ZNF606: variants seen among roughly 807,000 people sequenced by gnomAD.
ZNF606 encodes the protein zinc finger protein 606.
ZNF606 carries 37 observed loss-of-function variants against 74.9 expected under a neutral mutation model. The observed-to-expected ratio is 0.49, with a 90% CI of 0.38 to 0.65. The LOEUF (loss-of-function observed/expected upper bound fraction) is 0.65. Among genes scored for constraint, ZNF606 ranks in the 30% least tolerant of loss-of-function variants. ZNF606 has a pLI of 0.00. For missense variants in ZNF606, 852 were observed against 952.9 expected (o/e 0.89, Z 1.39); for synonymous variants, 328 against 312.4 (o/e 1.05, Z -0.53).
intron 4 of ZNF606, among the ~76,000 whole-genome samples, chr19:57,989,373 C>G (rs763153125): frequency 2.0e-5 from 3 of 151,354 alleles, no homozygotes; most frequent in Non-Finnish European, 2.9e-5. Flanking sequence ...AACTGGAAAA[C>G]GAGAAGGAAA....
rs1362078885 is a variant in ZNF606, at chr19:57,988,659, G to C, written c.240C>G (p.Asp80Glu). 2.5e-6 allele frequency: 4 copies of C among 1,614,022 alleles called. No homozygotes were observed. The highest frequency in any genetic ancestry group is 2.5e-6 in the Non-Finnish European group (3 of 1,180,032). The part of the protein sequence containing the change: ...DFTQEEWGQL[D>E]LVQRTLYRDV... The stretch of plus-strand genomic sequence containing the variant: ...CACGGTACAGGGTCCTCTGAACAAG[G>C]TCCAGCTGCCCCCACTCTTCTTGGG... The change falls in exon 5 of 7, where the codon GAC (aspartate) becomes GAG (glutamate). Residue 80 changes from aspartate (D) to glutamate (E), a missense_variant. This residue lies in a region of ZNF606 where 545 missense variants were observed against 542.5 expected (regional missense o/e 1.00). Transcript: ENST00000551380.
At chr19:57,984,647 T>C (rs912882692) in intron 6 of ZNF606, among the ~76,000 whole-genome samples, 1 of 152,168 alleles carries the variant, frequency 6.6e-6, no homozygotes, top group Non-Finnish European at 1.5e-5. Context: ...GAAACTCTGT[T>C]ATGCATGTAA....
At chr19:57,989,481 C>G (rs1473585745) in intron 4 of ZNF606, among the ~76,000 whole-genome samples, 3 of 152,032 alleles carry the variant, frequency 2.0e-5, no homozygotes, top group Non-Finnish European at 4.4e-5. Context: ...GAGTCTCGCT[C>G]TGTCGCCCAG....
intron 6 of ZNF606, among the ~76,000 whole-genome samples, chr19:57,984,722 T>C (rs931768379): frequency 6.6e-6 from 1 of 152,216 alleles, no homozygotes; most frequent in African/African-American, 2.4e-5. Context: ...TAAAGACATG[T>C]AAAATTTCAC....
At position 57,980,266 on chromosome 19, in the gene ZNF606, A is replaced by G. The variant is rs761560535; in HGVS notation, c.414T>C (p.Asn138=). 1.2e-6 allele frequency: 2 copies of G among 1,605,280 alleles called. No individual in the cohort carries two copies. The highest frequency in any genetic ancestry group is 2.2e-5 in the South Asian group (2 of 89,442). Residue 138 remains asparagine, a synonymous_variant, in exon 7 of 7, where the codon AAT becomes AAC. Transcript: ENST00000551380. ...PQRTCPEWVR[N]LESKALIPAQ... ...CTGGGATCAATGCTTTGCTTTCAAG[A>G]TTTCTCACCCATTCTGAAACAGACA...
At chr19:57,987,602 C>T (rs1360541938) in intron 6 of ZNF606, among the ~76,000 whole-genome samples, 7 of 151,952 alleles carry the variant, frequency 4.6e-5, no homozygotes, top group Admixed American at 1.3e-4. Flanking sequence ...CCGAGGTGGG[C>T]GGATCACTTG....
At position 57,977,526 on chromosome 19, in the gene ZNF606, C is replaced by A. The variant is rs1193909132; in HGVS notation, c.*775G>T. On this transcript the variant is annotated 3_prime_UTR_variant, in exon 7 of 7. Coordinates refer to ENST00000551380, the MANE Select transcript of ZNF606 (RefSeq NM_001348022.3). ...TTTTTATTCCTTCATGTTATGTATA[C>A]TGATGCAGTGTCCATAATTATAATT... 1.3e-5 allele frequency: 2 copies of A among 152,014 alleles called. No homozygotes were observed. Among genetic ancestry groups the A allele is most frequent in the African/African-American group, 4.8e-5 (2 of 41,362 alleles). 9.4% of individuals were successfully genotyped at this position (152,014 alleles called of 1,614,324 possible).
chr19:57,979,637 T>C lies in ZNF606; in HGVS notation c.1043A>G (p.Lys348Arg). 1 of 1,613,686 alleles carries C rather than the reference T, an allele frequency of 6.2e-7. No individual in the cohort carries two copies. ...GAAATAAAAGATATTCTCATATTCT[T>C]TGTAATTATACTGGTTTTCTCCAAC... ...LHVGENQYNY[K>R]EYENIFYFSS... Residue 348 changes from lysine to arginine, a missense_variant, in exon 7 of 7, where the codon AAA (lysine) becomes AGA (arginine). Lys to Arg is a conservative substitution (Grantham distance 26, BLOSUM62 2). Around this residue, in one of 3 missense-constraint regions of ZNF606, gnomAD observed 545 missense variants for 542.5 expected, o/e 1.00. Transcript: ENST00000551380.
intron 1 of ZNF606, chr19:58,002,013 A>G (rs1273972950): frequency 5.4e-6 from 2 of 369,486 alleles, no homozygotes; most frequent in East Asian, 1.5e-4. Flanking sequence ...ATCTTTGTAC[A>G]AGTCAGCAAC....
chr19:57,994,181 A>C (rs1389578749), intron 4 of ZNF606, among the ~76,000 whole-genome samples: 1 of 152,280 alleles, frequency 6.6e-6, no homozygotes, highest in South Asian at 2.1e-4. Context: ...TCACAGACTA[A>C]GAAAAGAACA....
chr19:57,990,451 GATA>G (rs2073240856), intron 4 of ZNF606, among the ~76,000 whole-genome samples: 1 of 149,488 alleles, frequency 6.7e-6, no homozygotes, highest in Admixed American at 6.7e-5. Flanking sequence ...GAAGTGGGAG[GATA>G]GCTTGGGCCC....
chr19:58,002,849 T>C (rs1396377593), upstream of ZNF606: 3 of 440,868 alleles, frequency 6.8e-6, no homozygotes, highest in South Asian at 4.8e-5. Flanking sequence ...TGCTGGGAGC[T>C]GTAGTTCCAG....
chr19:57,979,460 G>A lies in ZNF606; in HGVS notation c.1220C>T (p.Thr407Met), dbSNP rs148677927. The stretch of plus-strand genomic sequence containing the variant: ...AAGGTAAGAGCTCCAGATGAAAGAC[G>A]TCCCACATTCATTGTAGTCATAGGG... ...EKPYDYNECG[T>M]SFIWSSYLIQ... The change falls in exon 7 of 7, where the codon ACG becomes ATG. Residue 407 changes from threonine (T) to methionine (M), a missense_variant. This residue lies in a region of ZNF606 where 545 missense variants were observed against 542.5 expected (regional missense o/e 1.00). Transcript: ENST00000551380. The A allele has an allele frequency of 1.4e-5, 23 of 1,614,058 alleles. No homozygotes were observed. The highest frequency in any genetic ancestry group is 8.8e-5 in the South Asian group (8 of 91,068).
intron 6 of ZNF606, among the ~76,000 whole-genome samples, chr19:57,985,965 C>A (rs1041128265): frequency 6.6e-6 from 1 of 151,072 alleles, no homozygotes; most frequent in Non-Finnish European, 1.5e-5. Flanking sequence ...AAATAAAAGC[C>A]GAAGAGAGAA....
intron 6 of ZNF606, among the ~76,000 whole-genome samples, chr19:57,981,994 G>A (rs2073091720): frequency 6.6e-6 from 1 of 152,208 alleles, no homozygotes; most frequent in South Asian, 2.1e-4. Context: ...CACTGCTTAA[G>A]TATCAATCCT....
chr19:57,988,435 C>T (rs2073198239), intron 5 of ZNF606, 133 bp from the exon 6 acceptor site: 2 of 1,376,754 alleles, frequency 1.5e-6, no homozygotes, highest in African/African-American at 1.4e-5. Flanking sequence ...ACTCCATGCT[C>T]TTTAAGCATT....
chr19:57,980,536 T>C (rs1203163535), intron 6 of ZNF606, among the ~76,000 whole-genome samples: 2 of 152,112 alleles, frequency 1.3e-5, no homozygotes, highest in Non-Finnish European at 2.9e-5. Flanking sequence ...AAGACCAGTA[T>C]AAGAATGTGC....
chr19:57,991,497 GTTTT>G (rs985872555), intron 4 of ZNF606, among the ~76,000 whole-genome samples: 1 of 152,042 alleles, frequency 6.6e-6, no homozygotes, highest in Non-Finnish European at 1.5e-5. Context: ...GTAATGTAAG[GTTTT>G]TTTATTTAAA....
rs536589230 is a variant in ZNF606 at position 58,002,576 on chromosome 19, C to T, written c.-232G>A. The T allele has an allele frequency of 2.3e-6, 1 of 436,722 alleles. No individual in the cohort carries two copies. The highest frequency in any genetic ancestry group is 1.6e-5 in the South Asian group (1 of 62,046). 27.1% of individuals were successfully genotyped at this position (436,722 alleles called of 1,614,324 possible). A position where few individuals can be genotyped will look rare whatever the true frequency, so the allele number is the denominator to read the frequency against. On this transcript the variant is annotated 5_prime_UTR_variant, in exon 1 of 7. Transcript: ENST00000551380. Reference sequence around the variant, plus strand: ...ACGTGCAGCAGAGTTCACCCAGGCCCGTCCGACCAGAAAACGAAGAACGCC... The same window carrying T: ...ACGTGCAGCAGAGTTCACCCAGGCCTGTCCGACCAGAAAACGAAGAACGCC...
Sources: allele counts gnomAD v4.1 joint callset (sites outside exome capture counted in the v4.1 genomes callset), GRCh38; gene constraint gnomAD v4.1.1; regional missense constraint gnomAD v4.1.1; transcripts MANE v1.5; gene names NCBI Gene and HGNC (gene_info 2026-07-23, HGNC 2026-07-21).